Variants in DISP1 observed in about 807,000 individuals in gnomAD.
DISP1 encodes the protein dispatched RND transporter family member 1.
DISP1 carries 30 observed loss-of-function variants against 37.3 expected under a neutral mutation model. The ratio of observed to expected loss-of-function variants is 0.80; its 90% CI spans 0.60 to 1.09. The LOEUF (loss-of-function observed/expected upper bound fraction) is 1.09. Ranked by LOEUF, DISP1 falls within the 50% of genes least tolerant of loss-of-function variation. The pLI, the probability that DISP1 is intolerant of heterozygous loss-of-function variation, is 0.00. For synonymous variants in DISP1, 634 were observed against 690.2 expected, an observed-to-expected ratio of 0.92 and a Z score of 1.28; for missense variants, 1,598 against 1,879.5, an observed-to-expected ratio of 0.85 and a Z score of 2.77.
At chr1:222,997,818 C>A (rs1194849876) in intron 8 of DISP1, among the ~76,000 whole-genome samples, 2 of 152,044 alleles carry the variant, frequency 1.3e-5, no homozygotes, top group Non-Finnish European at 2.9e-5. Context: ...AGGAAGAGAG[C>A]AGTATTGCGG....
At chr1:222,829,446 GTT>G (rs71564722) in intron 1 of DISP1, among the ~76,000 whole-genome samples, 1 of 123,546 alleles carries the variant, frequency 8.1e-6, no homozygotes, top group Non-Finnish European at 1.8e-5. Context: ...CTCTTTGAAT[GTT>G]TTTTTTTTTT....
chr1:222,848,300 T>C (rs958128518), intron 1 of DISP1, among the ~76,000 whole-genome samples: 4 of 152,194 alleles, frequency 2.6e-5, no homozygotes, highest in Admixed American at 6.6e-5. Flanking sequence ...GCACATAAAA[T>C]GGTCAGTGTG....
chr1:223,004,288 A>G lies in DISP1; in HGVS notation c.2891A>G (p.Asn964Ser), dbSNP rs1450970962. 9 of 1,614,098 alleles carry G rather than the reference A, an allele frequency of 5.6e-6. No individual in the cohort carries two copies. Among genetic ancestry groups the G allele is most frequent in the South Asian group, 2.2e-5 (2 of 91,082 alleles). Residue 964 changes from asparagine (N) to serine (S), a missense_variant, in exon 9 of 9, where the codon AAT becomes AGT. Asn to Ser is a conservative substitution (Grantham distance 46). Coordinates refer to ENST00000675850, the MANE Select transcript of DISP1 (RefSeq NM_001377229.1). This position sits in a 1 kb window ranked among gnomAD's most constrained non-coding sequence, Gnocchi z 4.9. ...AGTTCGGCCCCTGAAGGCCTCAGCA[A>G]TGGTTGGTTTGTCAGCAATCTGGAG... Reference protein sequence around the residue: ...ELSSAPEGLSNGWFVSNLEFY... With the variant: ...ELSSAPEGLSSGWFVSNLEFY...
chr1:222,997,955 A>G (rs1323906051), intron 8 of DISP1, among the ~76,000 whole-genome samples: 3 of 152,150 alleles, frequency 2.0e-5, no homozygotes, highest in Admixed American at 1.3e-4. Context: ...GTCTACCTCA[A>G]AGAGTATGGT....
chr1:222,860,622 C>T (rs1404963531), intron 1 of DISP1, among the ~76,000 whole-genome samples: 2 of 152,164 alleles, frequency 1.3e-5, no homozygotes, highest in Middle Eastern at 6.8e-3. Context: ...TGCGGTCGCT[C>T]ACGCCTGTAA....
intron 1 of DISP1, among the ~76,000 whole-genome samples, chr1:222,888,221 T>C (rs1487591946): frequency 2.6e-5 from 4 of 152,214 alleles, no homozygotes; most frequent in South Asian, 2.1e-4. Context: ...GATCAGTGTG[T>C]AATGGAAAGA....
At position 222,991,564 on chromosome 1, in the gene DISP1, A is replaced by G. The variant is rs762807123; in HGVS notation, c.708A>G (p.Thr236=). The G allele has an allele frequency of 7.4e-6, 12 of 1,613,822 alleles. No individual in the cohort carries two copies. The highest frequency in any genetic ancestry group is 6.6e-5 in the South Asian group (6 of 91,090). ...CAGCAATAGGCCAGAGATTGGTCACATGGAATAATATGGTGAAAAATACAG... is the reference window on the plus strand; with the variant it reads ...CAGCAATAGGCCAGAGATTGGTCACGTGGAATAATATGGTGAAAAATACAG... ...RGTAIGQRLV[T]WNNMVKNTGY... is the part of the protein sequence containing the mutation. The change falls in exon 6 of 9, where the codon ACA becomes ACG. Residue 236 remains threonine (T), a synonymous_variant. Transcript: ENST00000675850.
chr1:222,899,201 G>A (rs1055743941), intron 1 of DISP1, among the ~76,000 whole-genome samples: 1 of 152,152 alleles, frequency 6.6e-6, no homozygotes, highest in African/African-American at 2.4e-5. Context: ...CCATGTCATT[G>A]TGCTACCTCC....
At chr1:222,871,952 G>A (rs374440461) in intron 1 of DISP1, among the ~76,000 whole-genome samples, 2 of 152,070 alleles carry the variant, frequency 1.3e-5, no homozygotes, top group South Asian at 2.1e-4. Flanking sequence ...ATTATTTTGA[G>A]ATACGTCCCA....
intron 2 of DISP1, among the ~76,000 whole-genome samples, chr1:222,934,320 G>C (rs891719207): frequency 6.6e-6 from 1 of 151,858 alleles, no homozygotes; most frequent in Non-Finnish European, 1.5e-5. Context: ...AATTCACAGA[G>C]GTATTGTGAA....
At chr1:222,949,827 A>T (rs915718348) in intron 3 of DISP1, among the ~76,000 whole-genome samples, 5 of 152,036 alleles carry the variant, frequency 3.3e-5, no homozygotes, top group African/African-American at 1.2e-4. Context: ...GGGTTTCACC[A>T]TGTTGACCAG....
At chr1:222,875,179 G>C (rs952877103) in intron 1 of DISP1, among the ~76,000 whole-genome samples, 1 of 151,980 alleles carries the variant, frequency 6.6e-6, no homozygotes, top group Non-Finnish European at 1.5e-5. Context: ...CTTAAATTTA[G>C]GTTTTTGCCT....
At chr1:222,821,397 A>G (rs1456910434) in intron 1 of DISP1, among the ~76,000 whole-genome samples, 3 of 152,238 alleles carry the variant, frequency 2.0e-5, no homozygotes, top group Non-Finnish European at 4.4e-5. Flanking sequence ...GATGCATCAT[A>G]AGATATGAAA....
In DISP1 at chr1:222,893,847, C is replaced by T. The variant is rs1671081895; in HGVS notation, c.-158-34583C>T. On this transcript the variant is annotated intron_variant, in intron 1 of 8. Transcript: ENST00000675850. This position sits in a 1 kb window ranked among gnomAD's most constrained non-coding sequence, Gnocchi z 4.3. ...CTGTTTGTGTTACAGCTCTTTCAGC[C>T]CTGCCATTCAGCAGGTCCTAAGTTC... 6.6e-6 allele frequency among the ~76,000 whole-genome samples: 1 copy of T among 152,176 alleles called. No homozygotes were observed. The highest frequency in any genetic ancestry group is 2.1e-4 in the South Asian group (1 of 4,826).
chr1:222,969,390 A>G (rs1676760510), intron 3 of DISP1, among the ~76,000 whole-genome samples: 2 of 147,948 alleles, frequency 1.4e-5, no homozygotes, highest in African/African-American at 4.9e-5. Flanking sequence ...AAAAAAAATT[A>G]CAAAGAAAAA....
chr1:222,838,978 T>G (rs1667423644), intron 1 of DISP1, among the ~76,000 whole-genome samples: 1 of 152,214 alleles, frequency 6.6e-6, no homozygotes, highest in African/African-American at 2.4e-5. Flanking sequence ...TGGTTGTTCC[T>G]CAAACATTTA....
intron 2 of DISP1, among the ~76,000 whole-genome samples, chr1:222,936,778 C>G (rs1337310297): frequency 7.8e-4 from 46 of 58,758 alleles, no homozygotes; most frequent in African/African-American, 1.5e-3. Flanking sequence ...TTATATATAT[C>G]ATATATAATA....
Position 222,943,179 on chromosome 1 carries a change from C to T in DISP1, c.356C>T (p.Pro119Leu). 1 of 1,611,020 alleles carries T rather than the reference C, an allele frequency of 6.2e-7. No individual in the cohort carries two copies. Among genetic ancestry groups the T allele is most frequent in the Non-Finnish European group, 8.5e-7 (1 of 1,177,394 alleles). Residue 119 changes from proline to leucine, a missense_variant, in exon 3 of 9, where the codon CCA becomes CTA. Pro to Leu is a moderately conservative substitution (Grantham distance 98, BLOSUM62 -3). Coordinates refer to ENST00000675850, the MANE Select transcript of DISP1 (RefSeq NM_001377229.1). ...PSALASCCMQ[P>L]HSEYSASLCP... is the part of the protein sequence containing the mutation. Reference sequence around the variant, plus strand: ...GCTTTGGCCTCGTGTTGCATGCAGCCACACTCCGAGTATTCTGCATCTCTT... The same window carrying T: ...GCTTTGGCCTCGTGTTGCATGCAGCTACACTCCGAGTATTCTGCATCTCTT...
At chr1:222,834,362 A>G (rs1177625212) in intron 1 of DISP1, among the ~76,000 whole-genome samples, 1 of 152,146 alleles carries the variant, frequency 6.6e-6, no homozygotes, top group Non-Finnish European at 1.5e-5. Context: ...TTTTAGTTCT[A>G]TTTCTGCCAC....
Sources: allele counts gnomAD v4.1 joint callset (sites outside exome capture counted in the v4.1 genomes callset), GRCh38; gene constraint gnomAD v4.1.1; non-coding constraint Gnocchi (gnomAD v3.1); transcripts MANE v1.5; gene names NCBI Gene and HGNC (gene_info 2026-07-23, HGNC 2026-07-21).